The following SCUBE2 variants were observed in gnomAD, a reference collection of about 807,000 sequenced individuals.
SCUBE2 encodes signal peptide, CUB and EGF-like domain-containing protein 2.
SCUBE2 carries 114 observed loss-of-function variants against 125.9 expected under a neutral mutation model. That is an observed-to-expected ratio of 0.91 (90% CI 0.78 to 1.06). The LOEUF is 1.06. Ranked by LOEUF, SCUBE2 falls within the 50% of genes least tolerant of loss-of-function variation. SCUBE2 has a pLI of 0.00. For missense variants in SCUBE2, 1,255 were observed against 1,301.8 expected, an observed-to-expected ratio of 0.96 and a Z score of 0.55; for synonymous variants, 459 against 492.9, an observed-to-expected ratio of 0.93 and a Z score of 0.91.
chr11:9,077,071 C>T (rs1388188058), intron 3 of SCUBE2, among the ~76,000 whole-genome samples: 1 of 152,198 alleles, frequency 6.6e-6, no homozygotes, highest in Non-Finnish European at 1.5e-5. Flanking sequence ...ATGTGTCATT[C>T]AGCTAGCTGA....
intron 3 of SCUBE2, 83 bp downstream of exon 3, chr11:9,079,301 G>T: frequency 6.5e-7 from 1 of 1,533,852 alleles, no homozygotes. Flanking sequence ...GCCCGTTTTT[G>T]TCTTCATGAG....
Position 9,024,409 on chromosome 11 carries a change from G to T in SCUBE2, c.2854+1293C>A, listed in dbSNP as rs531407258. The stretch of plus-strand genomic sequence containing the variant: ...TGGGTGTTTGTTTGACATTATTTCA[G>T]GCATCTGTAGGACAAAGATGATGAT... On this transcript the variant is annotated intron_variant, in intron 21 of 22. Transcript: ENST00000649792. The T allele has an allele frequency of 1.0e-4, 130 of 1,288,028 alleles. 1 individual carries two copies. In the South Asian group the frequency reaches 1.5e-3, roughly 15 times the overall value. 79.8% of individuals were successfully genotyped at this position (1,288,028 alleles called of 1,614,324 possible).
At chr11:9,068,903 G>C (rs902502155) in intron 5 of SCUBE2, among the ~76,000 whole-genome samples, 5 of 152,216 alleles carry the variant, frequency 3.3e-5, no homozygotes, top group Non-Finnish European at 5.9e-5. Flanking sequence ...ATTGAAGGTT[G>C]AGTGAGAGTC....
chr11:9,089,955 G>C (rs1862496012), intron 1 of SCUBE2, 126 bp from the exon 2 acceptor site: 2 of 1,236,934 alleles, frequency 1.6e-6, no homozygotes, highest in Non-Finnish European at 1.1e-6. Context: ...CAGCTGCTTG[G>C]GATCCCTGGG....
At chr11:9,029,822 A>C in intron 19 of SCUBE2, 62 bp downstream of exon 19, 1 of 1,590,378 alleles carries the variant, frequency 6.3e-7, no homozygotes, top group South Asian at 1.1e-5. Context: ...CCCTGCTCTG[A>C]GGTGGACCCA....
intron 16 of SCUBE2, 58 bp downstream of exon 16, chr11:9,047,298 C>T: frequency 6.3e-7 from 1 of 1,580,780 alleles, no homozygotes; most frequent in Non-Finnish European, 8.7e-7. Flanking sequence ...TTCGGTTACC[C>T]TGAGTGTTTA....
chr11:9,069,127 C>A (rs1319354500), intron 5 of SCUBE2, among the ~76,000 whole-genome samples: 1 of 152,242 alleles, frequency 6.6e-6, no homozygotes, highest in African/African-American at 2.4e-5. Flanking sequence ...CCAACATTCA[C>A]ACTCCTTACT....
chr11:9,071,008 G>T (rs879345328), intron 4 of SCUBE2, among the ~76,000 whole-genome samples: 3 of 152,178 alleles, frequency 2.0e-5, no homozygotes, highest in South Asian at 2.1e-4. Context: ...TCTTGCTCTG[G>T]CTGGTAATTC....
chr11:9,025,796 G>A lies in SCUBE2; in HGVS notation c.2760C>T (p.Ala920=), dbSNP rs776832258. 1 of 1,614,220 alleles carries A rather than the reference G, an allele frequency of 6.2e-7. No individual in the cohort carries two copies. The highest frequency in any genetic ancestry group is 1.1e-5 in the South Asian group (1 of 91,084). Residue 920 remains alanine, a synonymous_variant, in exon 21 of 23, where the codon GCC becomes GCT. Coordinates refer to ENST00000649792, the MANE Select transcript of SCUBE2 (RefSeq NM_001367977.2). The stretch of plus-strand genomic sequence containing the variant: ...ACAGCTTCTTTGACCTGGAGGTGAA[G>A]GCGATGGGGCGTTCGTAGGTCTGGC... ...ETCQTYERPI[A]FTSRSKKLWI...
At chr11:9,061,734 G>C (rs1859707533) in intron 7 of SCUBE2, among the ~76,000 whole-genome samples, 1 of 152,114 alleles carries the variant, frequency 6.6e-6, no homozygotes, top group Non-Finnish European at 1.5e-5. Context: ...GAAAATAGGA[G>C]AAAAGACAAT....
chr11:9,074,436 G>A (rs769820238), intron 4 of SCUBE2, 45 bp downstream of exon 4: 3 of 1,609,208 alleles, frequency 1.9e-6, no homozygotes, highest in Admixed American at 3.3e-5. Context: ...AAGGGAGAGG[G>A]TCTCAGATGT....
intron 4 of SCUBE2, 103 bp downstream of exon 4, chr11:9,074,378 T>C: frequency 6.9e-7 from 1 of 1,451,890 alleles, no homozygotes. Context: ...CTCCAGACTT[T>C]CTATACCCTG....
intron 12 of SCUBE2, 114 bp from the exon 13 acceptor site, chr11:9,052,946 C>T (rs763281149): frequency 3.4e-5 from 35 of 1,026,428 alleles, no homozygotes; most frequent in Non-Finnish European, 4.9e-5. Flanking sequence ...AAATGCCCAG[C>T]ATATGGGGTC....
chr11:9,062,715 C>T (rs1859799891), intron 7 of SCUBE2, among the ~76,000 whole-genome samples: 1 of 151,390 alleles, frequency 6.6e-6, no homozygotes, highest in Non-Finnish European at 1.5e-5. Context: ...AAGTAAAATG[C>T]CTGAAAAATT....
chr11:9,077,113 T>C (rs1378254110), intron 3 of SCUBE2, among the ~76,000 whole-genome samples: 2 of 152,340 alleles, frequency 1.3e-5, no homozygotes, highest in African/African-American at 4.8e-5. Context: ...CAAAAGTGTG[T>C]GTCCACGTAC....
chr11:9,064,089 A>G, intron 7 of SCUBE2, among the ~76,000 whole-genome samples: 1 of 151,938 alleles, frequency 6.6e-6, no homozygotes, highest in Non-Finnish European at 1.5e-5. Context: ...GTGTGTGTGT[A>G]TTGCGGGGGG....
intron 2 of SCUBE2, among the ~76,000 whole-genome samples, chr11:9,088,418 C>T (rs1227754021): frequency 6.6e-6 from 1 of 152,222 alleles, no homozygotes; most frequent in Non-Finnish European, 1.5e-5. Flanking sequence ...GTCTCACACT[C>T]CTGGCCGGGG....
Position 9,087,052 on chromosome 11 carries a change from T to C in SCUBE2, c.256+2655A>G, listed in dbSNP as rs1862151411. On this transcript the variant is annotated intron_variant, in intron 2 of 22. Coordinates refer to ENST00000649792, the MANE Select transcript of SCUBE2 (RefSeq NM_001367977.2). The stretch of plus-strand genomic sequence containing the variant: ...TTTTTATTTTACACATTTTGTATTA[T>C]TTGACTTTTTATAACAATCACATAT... Among the ~76,000 whole-genome samples the C allele has an allele frequency of 5.3e-5, 8 of 152,206 alleles. No homozygotes were observed. The South Asian group carries it at 1.7e-3, about 31-fold the overall frequency.
chr11:9,088,710 G>A (rs1323494218), intron 2 of SCUBE2, among the ~76,000 whole-genome samples: 2 of 152,166 alleles, frequency 1.3e-5, no homozygotes, highest in Non-Finnish European at 2.9e-5. Flanking sequence ...TTGGGTCCAG[G>A]AGCAAGGAGG....
Sources: allele counts gnomAD v4.1 joint callset (sites outside exome capture counted in the v4.1 genomes callset), GRCh38; gene constraint gnomAD v4.1.1; transcripts MANE v1.5; gene names NCBI Gene and HGNC (gene_info 2026-07-23, HGNC 2026-07-21).